The following NELL2 variants were observed in gnomAD, a reference collection of about 807,000 sequenced individuals.
NELL2 encodes neural EGFL like 2.
NELL2 carries 41 observed loss-of-function variants against 109.6 expected under a neutral mutation model. That is an observed-to-expected ratio of 0.37 (90% CI 0.29 to 0.49). The LOEUF (loss-of-function observed/expected upper bound fraction) is 0.49, where lower values mean the gene tolerates loss of function less well. NELL2 is among the 20% of genes least tolerant of loss of function. The pLI is 0.98. For synonymous variants in NELL2, 355 were observed against 344.7 expected, an observed-to-expected ratio of 1.03 and a Z score of -0.33; for missense variants, 900 against 1,008.3, an observed-to-expected ratio of 0.89 and a Z score of 1.45.
intron 12 of NELL2, among the ~76,000 whole-genome samples, chr12:44,699,992 C>T (rs796216353): frequency 3.3e-5 from 5 of 152,224 alleles, no homozygotes; most frequent in African/African-American, 1.2e-4. Context: ...CTTAAACTTC[C>T]CTTAATGCCA....
At chr12:44,668,549 G>A (rs960335486) in intron 12 of NELL2, among the ~76,000 whole-genome samples, 2 of 152,038 alleles carry the variant, frequency 1.3e-5, no homozygotes, top group African/African-American at 4.8e-5. Context: ...CTCTCCTGCT[G>A]CCACCACTGC....
intron 1 of NELL2, among the ~76,000 whole-genome samples, chr12:44,890,508 A>G (rs1945521287): frequency 6.6e-6 from 1 of 152,150 alleles, no homozygotes; most frequent in Non-Finnish European, 1.5e-5. Flanking sequence ...GTATTTGTGG[A>G]GGTGACTCCA....
chr12:44,824,728 T>G (rs1218925568), intron 2 of NELL2, among the ~76,000 whole-genome samples: 1 of 149,150 alleles, frequency 6.7e-6, no homozygotes, highest in Admixed American at 6.6e-5. Context: ...TTTTTTTTTT[T>G]GAGACAGAGT....
intron 1 of NELL2, among the ~76,000 whole-genome samples, chr12:44,906,801 A>C (rs1191655717): frequency 6.6e-6 from 1 of 152,122 alleles, no homozygotes; most frequent in Non-Finnish European, 1.5e-5. Flanking sequence ...CTGATCTGGC[A>C]GCTGGAGTTT....
intron 18 of NELL2, among the ~76,000 whole-genome samples, chr12:44,521,184 TAGAG>T (rs1460804955): frequency 3.9e-5 from 6 of 152,310 alleles, no homozygotes; most frequent in East Asian, 3.9e-4. Flanking sequence ...TATAAATATA[TAGAG>T]AAATTCAATT....
At chr12:44,735,161 TTAC>T (rs1332752715) in intron 9 of NELL2, among the ~76,000 whole-genome samples, 1 of 152,168 alleles carries the variant, frequency 6.6e-6, no homozygotes, top group Non-Finnish European at 1.5e-5. Flanking sequence ...CTGATTTATC[TTAC>T]TTAATGAGCA....
chr12:44,516,436 C>G (rs1345512703), intron 19 of NELL2, among the ~76,000 whole-genome samples: 1 of 152,048 alleles, frequency 6.6e-6, no homozygotes, highest in Admixed American at 6.6e-5. Context: ...ATGATATTAA[C>G]AGTGCACAAA....
chr12:44,627,140 T>C (rs1052476579), intron 13 of NELL2, among the ~76,000 whole-genome samples: 2 of 152,144 alleles, frequency 1.3e-5, no homozygotes, highest in Non-Finnish European at 2.9e-5. Flanking sequence ...ACAGTCTCCC[T>C]AGTGAATGCT....
At chr12:44,780,155 A>C (rs1941903666) in intron 3 of NELL2, 133 bp from the exon 4 acceptor site, 1 of 877,108 alleles carries the variant, frequency 1.1e-6, no homozygotes, top group Admixed American at 2.8e-5. Flanking sequence ...CATCATATAC[A>C]AAACAAACAC....
intron 19 of NELL2, among the ~76,000 whole-genome samples, chr12:44,515,196 T>G (rs2138966430): frequency 6.6e-6 from 1 of 151,954 alleles, no homozygotes; most frequent in East Asian, 1.9e-4. Context: ...AAGACAGATT[T>G]TCACACTAGG....
intron 13 of NELL2, among the ~76,000 whole-genome samples, chr12:44,652,389 T>C (rs1246571798): frequency 6.6e-6 from 1 of 152,190 alleles, no homozygotes; most frequent in Admixed American, 6.5e-5. Context: ...TGTGTTTGTG[T>C]TCACTGGAAA....
At chr12:44,794,390 G>C (rs571259608) in intron 3 of NELL2, among the ~76,000 whole-genome samples, 2 of 152,192 alleles carry the variant, frequency 1.3e-5, no homozygotes, top group African/African-American at 4.8e-5. Context: ...GGTACAATTG[G>C]AGGCAAGACC....
intron 7 of NELL2, among the ~76,000 whole-genome samples, chr12:44,776,410 C>G (rs532440091): frequency 6.6e-6 from 1 of 152,070 alleles, no homozygotes; most frequent in Non-Finnish European, 1.5e-5. Context: ...AAGGTTAATT[C>G]AAAACATCAC....
chr12:44,736,299 G>A lies in NELL2; in HGVS notation c.995-21558C>T, dbSNP rs572805111. Reference sequence around the variant, plus strand: ...GCTGGGATTACAGGCGTGAGCCACCGCGCCCGGCCTTCTTTATTTTTTTAA... The same window carrying A: ...GCTGGGATTACAGGCGTGAGCCACCACGCCCGGCCTTCTTTATTTTTTTAA... On this transcript the variant is annotated intron_variant, in intron 9 of 19. Transcript: ENST00000429094. Among the ~76,000 whole-genome samples, 288 of 152,014 alleles carry A rather than the reference G, an allele frequency of 1.9e-3. 1 individual carries two copies. The highest frequency in any genetic ancestry group is 6.4e-3 in the African/African-American group (265 of 41,444).
At chr12:44,560,652 G>A (rs1943438418) in intron 15 of NELL2, among the ~76,000 whole-genome samples, 1 of 152,122 alleles carries the variant, frequency 6.6e-6, no homozygotes, top group Non-Finnish European at 1.5e-5. Context: ...TCCCTGAAAA[G>A]ACCAATAACA....
intron 13 of NELL2, among the ~76,000 whole-genome samples, chr12:44,658,611 A>G (rs552022147): frequency 8.5e-5 from 13 of 152,268 alleles, no homozygotes; most frequent in Admixed American, 7.2e-4. Context: ...ATATGGAACC[A>G]AAAAAGAGCC....
At chr12:44,517,406 TCTCTC>T (rs1941326638) in intron 19 of NELL2, among the ~76,000 whole-genome samples, 1 of 149,528 alleles carries the variant, frequency 6.7e-6, no homozygotes, top group Admixed American at 6.7e-5. Context: ...TCTCTCTCTC[TCTCTC>T]TCTCTCTCTC....
At chr12:44,564,303 G>C (rs1251715065) in intron 15 of NELL2, among the ~76,000 whole-genome samples, 1 of 152,174 alleles carries the variant, frequency 6.6e-6, no homozygotes, top group Non-Finnish European at 1.5e-5. Context: ...GGCAGCATTT[G>C]AGGAGATTCT....
At chr12:44,753,985 T>C (rs1034131403) in intron 9 of NELL2, among the ~76,000 whole-genome samples, 1 of 152,202 alleles carries the variant, frequency 6.6e-6, no homozygotes, top group African/African-American at 2.4e-5. Context: ...CTAGCTCACA[T>C]TTTGAGGTGG....
Sources: allele counts gnomAD v4.1 joint callset (sites outside exome capture counted in the v4.1 genomes callset), GRCh38; gene constraint gnomAD v4.1.1; transcripts MANE v1.5; gene names NCBI Gene and HGNC (gene_info 2026-07-23, HGNC 2026-07-21).